The following PKD2L1 variants were observed in gnomAD, a reference collection of about 807,000 sequenced individuals.
PKD2L1 encodes polycystin-2-like protein 1.
Under a neutral mutation model 93.0 loss-of-function variants are expected in PKD2L1, and 77 were observed. That is an observed-to-expected ratio of 0.83 (90% confidence interval 0.69 to 1.00). The LOEUF (loss-of-function observed/expected upper bound fraction) is 1.00. Among genes scored for constraint, PKD2L1 ranks in the 50% least tolerant of loss-of-function variants. The pLI is 0.00. For missense variants in PKD2L1, 977 were observed against 990.9 expected, an observed-to-expected ratio of 0.99 and a Z score of 0.19; for synonymous variants, 390 against 388.0, an observed-to-expected ratio of 1.01 and a Z score of -0.06.
intron 2 of PKD2L1, among the ~76,000 whole-genome samples, chr10:100,312,191 C>T (rs1238308664): frequency 6.6e-5 from 10 of 152,160 alleles, no homozygotes. Flanking sequence ...TGAAACCGTG[C>T]ATTTCATATC....
chr10:100,315,856 A>G (rs911897993), intron 2 of PKD2L1, among the ~76,000 whole-genome samples: 1 of 152,186 alleles, frequency 6.6e-6, no homozygotes, highest in Non-Finnish European at 1.5e-5. Context: ...CAGCACTATT[A>G]AAACTAACAG....
chr10:100,293,063 T>G lies in PKD2L1; in HGVS notation c.1765A>C (p.Asn589His), dbSNP rs1172029916. Residue 589 changes from asparagine to histidine, a missense_variant, in exon 11 of 16, where the codon AAC becomes CAC. Coordinates refer to ENST00000318222, the MANE Select transcript of PKD2L1 (RefSeq NM_016112.3). ...AGACGCAGTCTTAGTAGGGTCTTGT[T>G]GTAGCCCTGAAAGGGAAAGGAAATA... Reference protein sequence around the residue: ...QLSDLLKQGYNKTLLRLRLRK... With the variant: ...QLSDLLKQGYHKTLLRLRLRK... 1 of 1,613,938 alleles carries G rather than the reference T, an allele frequency of 6.2e-7. No individual in the cohort carries two copies.
At chr10:100,321,667 GAA>G in intron 2 of PKD2L1, among the ~76,000 whole-genome samples, 2 of 638 alleles carry the variant, frequency 3.1e-3, no homozygotes, top group Middle Eastern at 0.5. Flanking sequence ...AGTGAGAAAA[GAA>G]AGAAAGAAAG....
At position 100,297,205 on chromosome 10, in the gene PKD2L1, C is replaced by T. The variant is rs1267861830; in HGVS notation, c.960G>A (p.Leu320=). ...CTCCTGTAGCTGGAAACTCCACCAC[C>T]AGCCTATAGGGGGAGGGGGAGATGA... The part of the protein sequence containing the change: ...ANINLFCVLR[L]VVEFPATGGA... The change falls in exon 6 of 16, where the codon CTG becomes CTA. Residue 320 remains leucine (L), a synonymous_variant. Transcript: ENST00000318222. 1.2e-6 allele frequency: 2 copies of T among 1,613,470 alleles called. No individual in the cohort carries two copies. The highest frequency in any genetic ancestry group is 1.7e-6 in the Non-Finnish European group (2 of 1,179,768).
rs755197349 is a variant in PKD2L1, at chr10:100,329,235, C to CA, written c.324dup (p.Val109CysfsTer27). On this transcript the variant is annotated frameshift_variant, in exon 2 of 16. Coordinates refer to ENST00000318222, the MANE Select transcript of PKD2L1 (RefSeq NM_016112.3). LOFTEE classifies it high-confidence loss of function. ...CGTAGACAGATGTCCACCAGGAACACAATATATACCAACAGCTCCCTCAGG... is the reference window on the plus strand; with the variant it reads ...CGTAGACAGATGTCCACCAGGAACACAAATATATACCAACAGCTCCCTCAGG... 1 of 1,614,114 alleles carries CA rather than the reference C, an allele frequency of 6.2e-7. No homozygotes were observed. Among genetic ancestry groups the CA allele is most frequent in the Non-Finnish European group, 8.5e-7 (1 of 1,179,958 alleles).
intron 10 of PKD2L1, 99 bp downstream of exon 10, chr10:100,293,182 G>A: frequency 6.4e-7 from 1 of 1,559,466 alleles, no homozygotes; most frequent in Non-Finnish European, 8.8e-7. Flanking sequence ...AGGCACACAA[G>A]GGCACAGGCA....
At chr10:100,298,326 T>C (rs1409950683) in intron 4 of PKD2L1, among the ~76,000 whole-genome samples, 1 of 152,210 alleles carries the variant, frequency 6.6e-6, no homozygotes, top group Non-Finnish European at 1.5e-5. Flanking sequence ...GCAACCTGTC[T>C]GTGGGAACAA....
chr10:100,298,843 C>A, intron 3 of PKD2L1, 28 bp from the exon 4 acceptor site: 3 of 1,594,206 alleles, frequency 1.9e-6, no homozygotes, highest in East Asian at 2.2e-5. Context: ...TTGAACCTTA[C>A]CCAGCCTCCT....
rs1488619713 is a variant in PKD2L1 at position 100,330,012 on chromosome 10, G to A, written c.92C>T (p.Pro31Leu). 1.2e-6 allele frequency: 2 copies of A among 1,613,778 alleles called. No homozygotes were observed. The highest frequency in any genetic ancestry group is 2.2e-5 in the East Asian group (1 of 44,866). Residue 31 changes from proline (P) to leucine (L), a missense_variant, in exon 1 of 16, where the codon CCA (proline) becomes CTA (leucine). Transcript: ENST00000318222. ...DNPAYSGPPSPHGTLRVCTIS... is the reference protein window; with the variant it reads ...DNPAYSGPPSLHGTLRVCTIS... Reference sequence around the variant, plus strand: ...GGTGCAGACTCTCAGCGTCCCGTGTGGGGAAGGGGGACCACTGTAGGCGGG... The same window carrying A: ...GGTGCAGACTCTCAGCGTCCCGTGTAGGGAAGGGGGACCACTGTAGGCGGG...
chr10:100,314,951 G>C (rs1849031070), intron 2 of PKD2L1, among the ~76,000 whole-genome samples: 1 of 54,136 alleles, frequency 1.8e-5, no homozygotes, highest in Non-Finnish European at 3.9e-5. Context: ...AGAAAAGAAA[G>C]AAAGAAAGAA....
chr10:100,321,734 A>G (rs1404180675), intron 2 of PKD2L1, among the ~76,000 whole-genome samples: 5 of 9,506 alleles, frequency 5.3e-4, no homozygotes, highest in Non-Finnish European at 1.0e-3. Flanking sequence ...AAAGAAAGAA[A>G]GAAAGAAAGA....
chr10:100,304,538 G>C (rs756435905), intron 2 of PKD2L1, among the ~76,000 whole-genome samples: 1 of 152,026 alleles, frequency 6.6e-6, no homozygotes, highest in Non-Finnish European at 1.5e-5. Flanking sequence ...GTGTTGCCCA[G>C]GCTGGAGTGG....
chr10:100,320,689 A>G (rs191489645), intron 2 of PKD2L1, among the ~76,000 whole-genome samples: 2 of 152,366 alleles, frequency 1.3e-5, no homozygotes, highest in Admixed American at 1.3e-4. Context: ...ATTGGTAATA[A>G]AAGGCAAGTA....
At chr10:100,293,487 T>G in intron 9 of PKD2L1, 108 bp from the exon 10 acceptor site, 1 of 730,476 alleles carries the variant, frequency 1.4e-6, no homozygotes. Context: ...GGGTCAGTGC[T>G]CTCAACCCCA....
chr10:100,295,388 T>G (rs544898614), intron 7 of PKD2L1, among the ~76,000 whole-genome samples: 1 of 134,318 alleles, frequency 7.4e-6, no homozygotes, highest in Non-Finnish European at 1.5e-5. Flanking sequence ...ACCACTGCAC[T>G]CCAGTCTGGG....
chr10:100,289,879 A>C, intron 14 of PKD2L1, 136 bp downstream of exon 14: 4 of 1,038,442 alleles, frequency 3.9e-6, no homozygotes, highest in African/African-American at 1.6e-5. Context: ...CTGATACACT[A>C]ACCGCTATGA....
At chr10:100,322,445 T>G (rs1589683429) in intron 2 of PKD2L1, among the ~76,000 whole-genome samples, 1 of 151,640 alleles carries the variant, frequency 6.6e-6, no homozygotes. Flanking sequence ...GACACTGCAC[T>G]CCAGCCTGGG....
intron 3 of PKD2L1, among the ~76,000 whole-genome samples, chr10:100,299,383 T>G (rs999717943): frequency 2.6e-5 from 4 of 152,200 alleles, no homozygotes; most frequent in Admixed American, 2.0e-4. Flanking sequence ...CTAATCTAAC[T>G]CCTGGTTTAA....
chr10:100,293,184 G>A, intron 10 of PKD2L1, 97 bp downstream of exon 10: 6 of 1,554,970 alleles, frequency 3.9e-6, no homozygotes, highest in Non-Finnish European at 5.3e-6. Context: ...GCACACAAGG[G>A]CACAGGCACC....
Sources: allele counts gnomAD v4.1 joint callset (sites outside exome capture counted in the v4.1 genomes callset), GRCh38; gene constraint gnomAD v4.1.1; transcripts MANE v1.5; gene names NCBI Gene and HGNC (gene_info 2026-07-23, HGNC 2026-07-21).